The following PTPN21 variants were observed in gnomAD, a reference collection of about 807,000 sequenced individuals.
The protein encoded by PTPN21 is protein tyrosine phosphatase non-receptor type 21.
Under a neutral mutation model 131.8 loss-of-function variants are expected in PTPN21, and 77 were observed. That is an observed-to-expected ratio of 0.58 (90% CI 0.49 to 0.71). The LOEUF (loss-of-function observed/expected upper bound fraction) is 0.71, where lower values mean the gene tolerates loss of function less well. PTPN21 is among the 30% of genes least tolerant of loss of function. PTPN21 has a pLI of 0.00. For synonymous variants in PTPN21, 715 were observed against 621.3 expected (o/e 1.15, Z -2.24); for missense variants, 1,552 against 1,527.1 (o/e 1.02, Z -0.27).
intron 14 of PTPN21, among the ~76,000 whole-genome samples, chr14:88,473,091 G>A (rs1234886412): frequency 2.0e-5 from 3 of 152,026 alleles, no homozygotes; most frequent in Non-Finnish European, 2.9e-5. Context: ...TCTAGGGGAC[G>A]GATAATGAGT....
At chr14:88,545,402 C>T (rs1595420325) in intron 2 of PTPN21, among the ~76,000 whole-genome samples, 1 of 152,324 alleles carries the variant, frequency 6.6e-6, no homozygotes, top group East Asian at 1.9e-4. Context: ...CTCTTGCACT[C>T]TGGATTGTGC....
intron 13 of PTPN21, among the ~76,000 whole-genome samples, chr14:88,476,310 G>A (rs188405699): frequency 2.1e-4 from 32 of 152,276 alleles, no homozygotes; most frequent in African/African-American, 7.7e-4. Flanking sequence ...AATATATGAT[G>A]CCACCTCACA....
chr14:88,485,403 T>A (rs1217731477), intron 11 of PTPN21, among the ~76,000 whole-genome samples: 2 of 152,232 alleles, frequency 1.3e-5, no homozygotes, highest in Admixed American at 6.5e-5. Context: ...AAAATCTGCA[T>A]CTAAAAAGCT....
chr14:88,517,223 AT>A lies in PTPN21; in HGVS notation c.218del (p.Asn73IlefsTer6), dbSNP rs749182689. The A allele has an allele frequency of 6.2e-7, 1 of 1,614,080 alleles. No individual in the cohort carries two copies. The highest frequency in any genetic ancestry group is 8.5e-7 in the Non-Finnish European group (1 of 1,179,968). ...TTTCCAAATCTACCCACCGGCGCTG[AT>A]TTTGCTTGTTGTAGTACCAGAGGCT... ...YFSLWYYNKQ[N>X]QRRWVDLEKP... On this transcript the variant is annotated frameshift_variant, in exon 3 of 19. Transcript: ENST00000556564. LOFTEE classifies it high-confidence loss of function.
intron 1 of PTPN21, chr14:88,552,505 G>A (rs1448015210): frequency 6.6e-6 from 1 of 152,074 alleles, no homozygotes; most frequent in African/African-American, 2.4e-5. Context: ...CCCAACCACG[G>A]TTTTATCTGG....
rs925563004 is a variant in PTPN21 at position 88,542,681 on chromosome 14, TC to T, written c.180+7556del. ...ATCCTCCATGTTTGTATGTGTAATT[TC>T]CATACTTATTTATATGGCTAATTCT... On this transcript the variant is annotated intron_variant, in intron 2 of 18. Coordinates refer to ENST00000556564, the MANE Select transcript of PTPN21 (RefSeq NM_007039.4). 2.5e-4 allele frequency among the ~76,000 whole-genome samples: 38 copies of T among 152,372 alleles called. 1 individual carries two copies. Among genetic ancestry groups the T allele is most frequent in the Admixed American group, 2.4e-3 (37 of 15,304 alleles).
rs763294129 is a variant in PTPN21 at position 88,472,266 on chromosome 14, T to G, written c.2849A>C (p.Tyr950Ser). 1 of 1,611,630 alleles carries G rather than the reference T, an allele frequency of 6.2e-7. No individual in the cohort carries two copies. The highest frequency in any genetic ancestry group is 2.2e-5 in the East Asian group (1 of 44,870). ...LVPTKENNTG[Y>S]INASHIKVSV... ...CACCTTAATATGTGATGCGTTGATG[T>G]AACCAGTGTTGTTTTCTTTAGTTGG... Residue 950 changes from tyrosine (Y) to serine (S), a missense_variant, in exon 15 of 19, where the codon TAC becomes TCC. By Grantham distance (144) the Tyr-to-Ser change is moderately radical (BLOSUM62 -2). Transcript: ENST00000556564.
intron 2 of PTPN21, among the ~76,000 whole-genome samples, chr14:88,543,918 C>A (rs2139358796): frequency 6.6e-6 from 1 of 152,116 alleles, no homozygotes; most frequent in East Asian, 1.9e-4. Context: ...ATGCACACAC[C>A]CCCCTCAGAA....
intron 2 of PTPN21, among the ~76,000 whole-genome samples, chr14:88,542,833 CATT>C (rs2078725311): frequency 6.6e-6 from 1 of 152,174 alleles, no homozygotes; most frequent in Non-Finnish European, 1.5e-5. Context: ...ACCAACCTAA[CATT>C]ATATTTGCTT....
intron 13 of PTPN21, among the ~76,000 whole-genome samples, chr14:88,476,678 G>A (rs1159561555): frequency 2.6e-5 from 4 of 152,142 alleles, no homozygotes; most frequent in Non-Finnish European, 4.4e-5. Context: ...CCTGACCGTG[G>A]TCACAGAGAA....
In PTPN21 at chr14:88,469,534, T is replaced by C; in HGVS notation, c.3200A>G (p.Glu1067Gly). The C allele has an allele frequency of 6.2e-7, 1 of 1,614,200 alleles. No homozygotes were observed. The highest frequency in any genetic ancestry group is 8.5e-7 in the Non-Finnish European group (1 of 1,180,008). ...CTTGAGGTCTTCTGGACAGCCATGT[T>C]CAGGCCAGTCTGTGTATTGGAGGTG... ...VWHLQYTDWP[E>G]HGCPEDLKGF... Residue 1067 changes from glutamate (E) to glycine (G), a missense_variant, in exon 17 of 19, where the codon GAA becomes GGA. Glu to Gly is a moderately conservative substitution (Grantham distance 98). Around this residue, in one of 4 missense-constraint regions of PTPN21, gnomAD observed 316 missense variants for 378.5 expected, o/e 0.83. Transcript: ENST00000556564. The surrounding 1 kb of genome is among the most constrained non-coding windows in gnomAD (Gnocchi z 4.3).
rs767429153 is a variant in PTPN21, at chr14:88,479,413, G to C, written c.2018C>G (p.Ser673Cys). The C allele has an allele frequency of 3.7e-6, 6 of 1,603,166 alleles. No individual in the cohort carries two copies. In the Admixed American group the frequency reaches 1.0e-4, roughly 27 times the overall value. The change falls in exon 13 of 19, where the codon TCC becomes TGC. Residue 673 changes from serine to cysteine, a missense_variant. Physicochemically the swap from Ser to Cys is moderately radical, Grantham distance 112. Coordinates refer to ENST00000556564, the MANE Select transcript of PTPN21 (RefSeq NM_007039.4). ...CCTCTCGGTGAAAACGCTGGGCTGG[G>C]AGCCCACCGAGACGGCTCGCGGCGC... The part of the protein sequence containing the change: ...EVAPRAVSVG[S>C]QPSVFTERTQ...
chr14:88,495,702 C>T (rs1176009876), intron 10 of PTPN21, among the ~76,000 whole-genome samples: 4 of 152,072 alleles, frequency 2.6e-5, no homozygotes, highest in Admixed American at 6.6e-5. Context: ...AAGAGGAAGC[C>T]GAGCAGGGGG....
At position 88,510,896 on chromosome 14, in the gene PTPN21, T is replaced by A. The variant is rs1439758117; in HGVS notation, c.351-2876A>T. Reference sequence around the variant, plus strand: ...AAGGATGGATGAATGGATGGATGGATGGATACACAGACAGATAGATTTTTT... The same window carrying A: ...AAGGATGGATGAATGGATGGATGGAAGGATACACAGACAGATAGATTTTTT... On this transcript the variant is annotated intron_variant, in intron 3 of 18. Coordinates refer to ENST00000556564, the MANE Select transcript of PTPN21 (RefSeq NM_007039.4). Among the ~76,000 whole-genome samples the A allele has an allele frequency of 2.0e-5, 3 of 151,540 alleles. No individual in the cohort carries two copies. The South Asian group carries it at 6.3e-4, about 32-fold the overall frequency.
In PTPN21 at chr14:88,500,826, T is replaced by C. The variant is rs747118154; in HGVS notation, c.721A>G (p.Ile241Val). The C allele has an allele frequency of 1.9e-6, 3 of 1,613,994 alleles. No individual in the cohort carries two copies. The highest frequency in any genetic ancestry group is 1.7e-6 in the Non-Finnish European group (2 of 1,179,888). The change falls in exon 8 of 19, where the codon ATC becomes GTC. Residue 241 changes from isoleucine (I) to valine (V), a missense_variant. By Grantham distance (29) the Ile-to-Val change is conservative (BLOSUM62 3). This residue lies in a region of PTPN21 where 1,016 missense variants were observed against 883.5 expected (regional missense o/e 1.15). Transcript: ENST00000556564. Reference sequence around the variant, plus strand: ...CTTCCATTCTTGTGTTTCACAAAGATACCTTCAAGACACGCTCCAATGGAT... The same window carrying C: ...CTTCCATTCTTGTGTTTCACAAAGACACCTTCAAGACACGCTCCAATGGAT... ...DISIGACLEG[I>V]FVKHKNGRHP...
At chr14:88,517,019 A>C in intron 3 of PTPN21, 73 bp downstream of exon 3, 6 of 1,532,496 alleles carry the variant, frequency 3.9e-6, no homozygotes, top group Non-Finnish European at 5.3e-6. Flanking sequence ...TTATCTTCTG[A>C]CTTCAACCTT....
intron 1 of PTPN21, among the ~76,000 whole-genome samples, chr14:88,553,877 G>A (rs2078894528): frequency 6.6e-6 from 1 of 152,104 alleles, no homozygotes; most frequent in South Asian, 2.1e-4. Context: ...AAAGGAGAGA[G>A]TATGTGACAT....
chr14:88,513,228 G>A (rs906411689), intron 3 of PTPN21, among the ~76,000 whole-genome samples: 2 of 152,136 alleles, frequency 1.3e-5, no homozygotes, highest in African/African-American at 4.8e-5. Context: ...GCAGTAGCGT[G>A]ACCTCAGCTC....
At chr14:88,485,262 G>A in intron 11 of PTPN21, 102 bp from the exon 12 acceptor site, 1 of 612,608 alleles carries the variant, frequency 1.6e-6, no homozygotes, top group East Asian at 3.1e-5. Flanking sequence ...AACTTCTAAA[G>A]GAATTAAATA....
Sources: gnomAD v4.1 joint callset for allele counts (sites outside exome capture counted in the v4.1 genomes callset) on GRCh38, gnomAD v4.1.1 for gene constraint, gnomAD v4.1.1 regional missense constraint, Gnocchi (gnomAD v3.1) non-coding constraint, MANE v1.5 for transcripts, NCBI Gene and HGNC (gene_info 2026-07-23, HGNC 2026-07-21) for gene names.